The following CSMD1 variants were observed in gnomAD, a reference collection of about 807,000 sequenced individuals.
CSMD1 encodes CUB and sushi domain-containing protein 1.
Under a neutral mutation model 417.5 loss-of-function variants are expected in CSMD1, and 213 were observed. The observed-to-expected ratio is 0.51, with a 90% CI of 0.46 to 0.57. The LOEUF (loss-of-function observed/expected upper bound fraction) is 0.57. CSMD1 is among the 20% of genes least tolerant of loss of function. The pLI is 0.00. For synonymous variants in CSMD1, 2,862 were observed against 1,736.8 expected, an observed-to-expected ratio of 1.65 and a Z score of -16.11; for missense variants, 6,923 against 4,529.7, an observed-to-expected ratio of 1.53 and a Z score of -15.17.
chr8:3,303,721 G>C (rs868250919), intron 25 of CSMD1, among the ~76,000 whole-genome samples: 3 of 152,120 alleles, frequency 2.0e-5, no homozygotes, highest in African/African-American at 4.8e-5. Context: ...TGTTACTTTT[G>C]TTACATAAAG....
intron 2 of CSMD1, among the ~76,000 whole-genome samples, chr8:4,456,863 G>C (rs1429844484): frequency 1.3e-5 from 2 of 151,864 alleles, no homozygotes; most frequent in South Asian, 2.1e-4. Context: ...CCTGGCCCTG[G>C]GCACTGGCTT....
At chr8:3,202,924 T>C (rs1474522560) in intron 31 of CSMD1, among the ~76,000 whole-genome samples, 1 of 152,146 alleles carries the variant, frequency 6.6e-6, no homozygotes, top group Non-Finnish European at 1.5e-5. Context: ...CTCTAAAAAC[T>C]TTTTTCAGGA....
At chr8:4,526,154 G>C (rs1480131050) in intron 2 of CSMD1, among the ~76,000 whole-genome samples, 1 of 152,156 alleles carries the variant, frequency 6.6e-6, no homozygotes, top group Admixed American at 6.5e-5. Flanking sequence ...GTGTTGTTAA[G>C]AGAGAACCAA....
chr8:4,843,592 C>T (rs1585199718), intron 1 of CSMD1, among the ~76,000 whole-genome samples: 1 of 152,178 alleles, frequency 6.6e-6, no homozygotes, highest in East Asian at 1.9e-4. Context: ...GGAGACATTT[C>T]CATTGTCCAA....
chr8:3,660,365 G>C (rs983806193), intron 7 of CSMD1, among the ~76,000 whole-genome samples: 1 of 152,026 alleles, frequency 6.6e-6, no homozygotes, highest in African/African-American at 2.4e-5. Flanking sequence ...GATCTTCCCA[G>C]GGACCAGCAC....
At chr8:4,552,998 T>C (rs1289314508) in intron 2 of CSMD1, among the ~76,000 whole-genome samples, 1 of 152,206 alleles carries the variant, frequency 6.6e-6, no homozygotes, top group Admixed American at 6.5e-5. Flanking sequence ...GGCTGCTTGG[T>C]GACATTTCAC....
intron 59 of CSMD1, among the ~76,000 whole-genome samples, chr8:2,963,743 T>A (rs1362697039): frequency 6.6e-6 from 1 of 152,172 alleles, no homozygotes; most frequent in African/African-American, 2.4e-5. Flanking sequence ...GAATGAGGAT[T>A]TGGTCAGATG....
chr8:3,915,073 A>C (rs1202795184), intron 5 of CSMD1, among the ~76,000 whole-genome samples: 3 of 152,136 alleles, frequency 2.0e-5, no homozygotes, highest in African/African-American at 7.2e-5. Flanking sequence ...TATTGAATTA[A>C]TTAGGGATCG....
chr8:3,272,992 G>T (rs1801982233), intron 26 of CSMD1, among the ~76,000 whole-genome samples: 1 of 150,940 alleles, frequency 6.6e-6, no homozygotes, highest in African/African-American at 2.4e-5. Flanking sequence ...GTGAGAGAGG[G>T]CATCCCTGTC....
At chr8:4,691,239 T>C (rs942376959) in intron 1 of CSMD1, among the ~76,000 whole-genome samples, 1 of 152,122 alleles carries the variant, frequency 6.6e-6, no homozygotes, top group African/African-American at 2.4e-5. Flanking sequence ...AGAAATTAAA[T>C]GGGAAAGCCA....
In CSMD1 at chr8:3,291,874, G is replaced by T. The variant is rs189671462; in HGVS notation, c.3951-7528C>A. On this transcript the variant is annotated intron_variant, in intron 25 of 69. Coordinates refer to ENST00000635120, the MANE Select transcript of CSMD1 (RefSeq NM_033225.6). The stretch of plus-strand genomic sequence containing the variant: ...TATTTCTTGCCTTCTGCTAGCTTTT[G>T]AATGTGTTTGTTCTTGCTTTTCTAG... Among the ~76,000 whole-genome samples, 84 of 152,074 alleles carry T rather than the reference G, an allele frequency of 5.5e-4. 2 individuals are homozygous for T. The East Asian group carries it at 0.015, about 27-fold the overall frequency.
At chr8:3,291,854 C>T (rs1327331292) in intron 25 of CSMD1, among the ~76,000 whole-genome samples, 1 of 151,944 alleles carries the variant, frequency 6.6e-6, no homozygotes, top group Non-Finnish European at 1.5e-5. Context: ...TTAGTTATTT[C>T]TTGCCTTCTG....
At chr8:4,157,351 AT>A in intron 3 of CSMD1, among the ~76,000 whole-genome samples, 1 of 152,266 alleles carries the variant, frequency 6.6e-6, no homozygotes, top group Non-Finnish European at 1.5e-5. Context: ...ATTTACCATC[AT>A]TTTCTTTGAA....
chr8:4,736,042 C>G (rs576303598), intron 1 of CSMD1, among the ~76,000 whole-genome samples: 34 of 152,270 alleles, frequency 2.2e-4, no homozygotes, highest in Admixed American at 2.0e-3. Flanking sequence ...CTATTATGGA[C>G]ATTTGTATTG....
chr8:4,287,983 T>A (rs934540119), intron 3 of CSMD1, among the ~76,000 whole-genome samples: 1 of 152,094 alleles, frequency 6.6e-6, no homozygotes, highest in Admixed American at 6.6e-5. Context: ...GATAATAAAA[T>A]TAAGGTTTGA....
intron 1 of CSMD1, among the ~76,000 whole-genome samples, chr8:4,683,830 A>G (rs772646501): frequency 1.3e-5 from 2 of 152,234 alleles, no homozygotes; most frequent in Non-Finnish European, 2.9e-5. Context: ...GAACAAGTAG[A>G]CAATTACTCC....
chr8:4,372,676 G>T (rs1802466704), intron 3 of CSMD1, among the ~76,000 whole-genome samples: 1 of 150,970 alleles, frequency 6.6e-6, no homozygotes, highest in African/African-American at 2.4e-5. Flanking sequence ...CATTGATGCA[G>T]GCCTGTCAAA....
At chr8:4,026,209 A>T (rs1444596288) in intron 4 of CSMD1, among the ~76,000 whole-genome samples, 1 of 152,234 alleles carries the variant, frequency 6.6e-6, no homozygotes, top group African/African-American at 2.4e-5. Context: ...CTAGTTATCC[A>T]AATCCATGAG....
At chr8:3,859,471 GGGA>G (rs1335911842) in intron 5 of CSMD1, among the ~76,000 whole-genome samples, 2 of 152,170 alleles carry the variant, frequency 1.3e-5, no homozygotes, top group African/African-American at 2.4e-5. Flanking sequence ...CTTGGTTTCT[GGGA>G]GGAGAATCTT....
Sources: gnomAD v4.1 joint callset for allele counts (sites outside exome capture counted in the v4.1 genomes callset) on GRCh38, gnomAD v4.1.1 for gene constraint, MANE v1.5 for transcripts, NCBI Gene and HGNC (gene_info 2026-07-23, HGNC 2026-07-21) for gene names.